CDH23: variants seen among roughly 807,000 people sequenced by gnomAD.
The protein encoded by CDH23 is cadherin-23.
Under a neutral mutation model 317.1 loss-of-function variants are expected in CDH23, and 189 were observed. The observed-to-expected ratio is 0.60, with a 90% CI of 0.53 to 0.67. The LOEUF (loss-of-function observed/expected upper bound fraction) is 0.67, where lower values mean the gene tolerates loss of function less well. Among genes scored for constraint, CDH23 ranks in the 30% least tolerant of loss-of-function variants. The pLI is 0.00. For synonymous variants in CDH23, 1,839 were observed against 1,876.8 expected (o/e 0.98, Z 0.52); for missense variants, 4,401 against 4,592.4 (o/e 0.96, Z 1.20).
chr10:71,807,984 A>G lies in CDH23; in HGVS notation c.8699A>G (p.Asp2900Gly). 6.3e-7 allele frequency: 1 copy of G among 1,593,872 alleles called. No homozygotes were observed. The highest frequency in any genetic ancestry group is 8.5e-7 in the Non-Finnish European group (1 of 1,169,734). The change falls in exon 60 of 70, where the codon GAT becomes GGT. Residue 2900 changes from aspartate to glycine, a missense_variant. Asp to Gly is a moderately conservative substitution (Grantham distance 94). This residue lies in a region of CDH23 where 1,144 missense variants were observed against 1,138.2 expected (regional missense o/e 1.01). Transcript: ENST00000224721. ...YFRALANDSE[D>G]VGQVFTMGSM... ...CGGGCCCTTGCCAACGACTCTGAAG[A>G]TGTGGGCCAGGTCTTCACCATGGGT...
chr10:71,765,332 G>A (rs1840509097), intron 38 of CDH23, among the ~76,000 whole-genome samples: 1 of 152,254 alleles, frequency 6.6e-6, no homozygotes, highest in African/African-American at 2.4e-5. Context: ...CAAAGGGCTG[G>A]CTCAGCAGAC....
intron 38 of CDH23, chr10:71,750,041 A>G (rs548329453): frequency 7.3e-5 from 11 of 151,230 alleles, no homozygotes; most frequent in African/African-American, 2.4e-4. Context: ...TCCCTGTTTT[A>G]CCCCCAGAGT....
In CDH23 at chr10:71,803,372, C is replaced by T. The variant is rs1237259625; in HGVS notation, c.7824C>T (p.Arg2608=). 5.0e-6 allele frequency: 8 copies of T among 1,600,876 alleles called. No homozygotes were observed. Among genetic ancestry groups the T allele is most frequent in the Non-Finnish European group, 6.8e-6 (8 of 1,174,314 alleles). Residue 2608 remains arginine (R), a synonymous_variant, in exon 55 of 70, where the codon CGC becomes CGT. Coordinates refer to ENST00000224721, the MANE Select transcript of CDH23 (RefSeq NM_022124.6). ...AGGTCATCGACGTCAATGACAACCG[C>T]CCTGTCTTTGTGCGCCCACCCAACG... ...LVEVIDVNDN[R]PVFVRPPNGT... is the part of the protein sequence containing the mutation.
intron 2 of CDH23, among the ~76,000 whole-genome samples, chr10:71,440,799 A>G (rs1334232524): frequency 6.6e-6 from 1 of 152,182 alleles, no homozygotes; most frequent in East Asian, 1.9e-4. Flanking sequence ...CCCCAGGGCC[A>G]TAGCATCCCC....
At chr10:71,655,002 T>C (rs567505891) in intron 14 of CDH23, among the ~76,000 whole-genome samples, 1 of 152,288 alleles carries the variant, frequency 6.6e-6, no homozygotes, top group East Asian at 1.9e-4. Flanking sequence ...CACGTAAATG[T>C]CATAGAAACA....
chr10:71,527,478 C>T (rs1351323652), intron 6 of CDH23, among the ~76,000 whole-genome samples: 1 of 152,224 alleles, frequency 6.6e-6, no homozygotes, highest in Admixed American at 6.5e-5. Flanking sequence ...TGTAGCCCTT[C>T]AAGGTGTGAC....
chr10:71,539,987 A>G (rs1855898365), intron 6 of CDH23, among the ~76,000 whole-genome samples: 1 of 152,300 alleles, frequency 6.6e-6, no homozygotes, highest in South Asian at 2.1e-4. Flanking sequence ...TTGGCTTCAG[A>G]ACACTTTCTT....
intron 3 of CDH23, among the ~76,000 whole-genome samples, chr10:71,488,251 A>C (rs548104971): frequency 3.3e-5 from 5 of 152,378 alleles, no homozygotes; most frequent in Non-Finnish European, 7.3e-5. Context: ...GCATTTACTA[A>C]GAGAAAGGAG....
chr10:71,463,953 C>G (rs1024015433), intron 3 of CDH23, among the ~76,000 whole-genome samples: 1 of 152,218 alleles, frequency 6.6e-6, no homozygotes, highest in Non-Finnish European at 1.5e-5. Context: ...AAATCAACAC[C>G]TATAGGACTT....
At chr10:71,403,535 T>C (rs1274603637) in intron 1 of CDH23, among the ~76,000 whole-genome samples, 1 of 144,782 alleles carries the variant, frequency 6.9e-6, no homozygotes, top group Admixed American at 7.0e-5. Context: ...TCTTTTTTTT[T>C]TTGATGGAGT....
chr10:71,715,837 G>A (rs1340388682), intron 28 of CDH23: 5 of 1,221,412 alleles, frequency 4.1e-6, no homozygotes, highest in Non-Finnish European at 5.5e-6. Flanking sequence ...CAGACTGCTT[G>A]GGCCACTGTC....
At chr10:71,523,500 C>G (rs1002016547) in intron 6 of CDH23, among the ~76,000 whole-genome samples, 24 of 152,262 alleles carry the variant, frequency 1.6e-4, no homozygotes, top group African/African-American at 5.8e-4. Context: ...GCGGAAAGCT[C>G]TAAATGGTGT....
At chr10:71,786,448 C>A (rs1841107573) in intron 44 of CDH23, among the ~76,000 whole-genome samples, 1 of 151,260 alleles carries the variant, frequency 6.6e-6, no homozygotes, top group Non-Finnish European at 1.5e-5. Flanking sequence ...AACTCATAAG[C>A]TACATGCCCC....
chr10:71,445,887 A>G (rs1850140840), intron 2 of CDH23, among the ~76,000 whole-genome samples: 1 of 152,080 alleles, frequency 6.6e-6, no homozygotes, highest in Non-Finnish European at 1.5e-5. Context: ...ATTAAAAAGA[A>G]ACAGGTGACA....
chr10:71,682,287 AC>A (rs1478025361), intron 17 of CDH23, among the ~76,000 whole-genome samples, 157 bp from the exon 18 acceptor site: 1 of 152,156 alleles, frequency 6.6e-6, no homozygotes, highest in East Asian at 1.9e-4. Flanking sequence ...CAGTCAGGAA[AC>A]CTCAGTCGAG....
At position 71,732,282 on chromosome 10, in the gene CDH23, C is replaced by A. The variant is rs761003107; in HGVS notation, c.4011C>A (p.Ala1337=). 19 of 1,613,196 alleles carry A rather than the reference C, an allele frequency of 1.2e-5. No individual in the cohort carries two copies. The highest frequency in any genetic ancestry group is 6.8e-6 in the Non-Finnish European group (8 of 1,179,508). Residue 1337 remains alanine, a synonymous_variant, in exon 32 of 70, where the codon GCC becomes GCA. Coordinates refer to ENST00000224721, the MANE Select transcript of CDH23 (RefSeq NM_022124.6). ...ALGTEIVRVQ[A]YSIDNLNQIT... ...GTACTGAGATTGTGCGGGTCCAGGC[C>A]TACTCCATCGACAACCTCAACCAAA...
At chr10:71,731,286 A>C (rs543035398) in intron 31 of CDH23, among the ~76,000 whole-genome samples, 3 of 152,134 alleles carry the variant, frequency 2.0e-5, no homozygotes, top group African/African-American at 7.2e-5. Context: ...CTCATCCTTC[A>C]TGTCAGCTAC....
intron 2 of CDH23, among the ~76,000 whole-genome samples, chr10:71,440,578 T>A (rs1208397149): frequency 1.3e-5 from 2 of 152,132 alleles, no homozygotes; most frequent in African/African-American, 4.8e-5. Context: ...TGAGCAAAGC[T>A]ATGGCAGCCA....
At chr10:71,515,088 G>A (rs549146919) in intron 6 of CDH23, among the ~76,000 whole-genome samples, 128 of 152,280 alleles carry the variant, frequency 8.4e-4, no homozygotes, top group Non-Finnish European at 1.3e-3. Context: ...GGGTGTTTAG[G>A]CAGGAGGATG....
Sources: gnomAD v4.1 joint callset for allele counts (sites outside exome capture counted in the v4.1 genomes callset) on GRCh38, gnomAD v4.1.1 for gene constraint, gnomAD v4.1.1 regional missense constraint, MANE v1.5 for transcripts, NCBI Gene and HGNC (gene_info 2026-07-23, HGNC 2026-07-21) for gene names.